GTSE1: variants seen among roughly 807,000 people sequenced by gnomAD.
The protein encoded by GTSE1 is G2 and S-phase expressed 1.
In GTSE1, 52 loss-of-function variants were observed where a neutral mutation model predicts 60.5. The observed-to-expected ratio is 0.86, with a 90% CI of 0.69 to 1.08. The LOEUF is 1.08. Among genes scored for constraint, GTSE1 ranks in the 50% least tolerant of loss-of-function variants. GTSE1 has a pLI of 0.00. For synonymous variants in GTSE1, 368 were observed against 386.5 expected, an observed-to-expected ratio of 0.95 and a Z score of 0.56; for missense variants, 937 against 961.8, an observed-to-expected ratio of 0.97 and a Z score of 0.34.
intron 7 of GTSE1, among the ~76,000 whole-genome samples, chr22:46,322,599 C>T (rs1021987672): frequency 2.0e-5 from 3 of 152,140 alleles, no homozygotes; most frequent in Non-Finnish European, 2.9e-5. Context: ...GGCCTTAGCT[C>T]GGTAACTGGT....
Position 46,314,482 on chromosome 22 carries a change from C to T in GTSE1, c.1051+469C>T, listed in dbSNP as rs1052038005. Among the ~76,000 whole-genome samples the T allele has an allele frequency of 2.0e-5, 3 of 152,138 alleles. No individual in the cohort carries two copies. The highest frequency in any genetic ancestry group is 1.3e-4 in the Admixed American group (2 of 15,274). ...CCATCTAGTGGTAAGGGAAAGCCTT[C>T]GCCTTTCTGCTCTTCAGAGCGAAAT... On this transcript the variant is annotated intron_variant, in intron 6 of 11. Coordinates refer to ENST00000454366, the MANE Select transcript of GTSE1 (RefSeq NM_016426.7). This position sits in a 1 kb window ranked among gnomAD's most constrained non-coding sequence, Gnocchi z 7.1.
Position 46,309,019 on chromosome 22 carries a change from C to T in GTSE1, c.762+76C>T, listed in dbSNP as rs6007819. 2.7e-6 allele frequency: 4 copies of T among 1,484,100 alleles called. No homozygotes were observed. The highest frequency in any genetic ancestry group is 2.2e-5 in the Admixed American group (1 of 46,442). The allele number at this position is 1,484,100 out of a possible 1,614,324, so 91.9% of individuals were successfully genotyped here. ...TCAGCCCTCTCACAGAAGCCACATG[C>T]GGAAAGCCTCAGAGGTGGCGAGTCT... is the stretch of plus-strand genomic sequence containing the variant. On this transcript the variant is annotated intron_variant, in intron 4 of 11. Transcript: ENST00000454366. The surrounding 1 kb of genome is among the most constrained non-coding windows in gnomAD (Gnocchi z 6.2).
chr22:46,301,935 C>G (rs1227421474), intron 2 of GTSE1, among the ~76,000 whole-genome samples: 2 of 152,082 alleles, frequency 1.3e-5, no homozygotes, highest in Non-Finnish European at 2.9e-5. Context: ...TCCAGACCAG[C>G]CTGACCAACA....
Position 46,314,807 on chromosome 22 carries a change from C to T in GTSE1, c.1051+794C>T, listed in dbSNP as rs2077769258. Among the ~76,000 whole-genome samples, 1 of 142,078 alleles carries T rather than the reference C, an allele frequency of 7.0e-6. No homozygotes were observed. Among genetic ancestry groups the T allele is most frequent in the Non-Finnish European group, 1.5e-5 (1 of 66,632 alleles). The allele number at this position is 142,078 out of a possible 152,430, so 93.2% of individuals were successfully genotyped here. A position where few individuals can be genotyped will look rare whatever the true frequency, so the allele number is the denominator to read the frequency against. Reference sequence around the variant, plus strand: ...ACGAGAATGGCTTGAACGCGGGAGGCAGAGGTTACCATGAGCCGAGATTGC... The same window carrying T: ...ACGAGAATGGCTTGAACGCGGGAGGTAGAGGTTACCATGAGCCGAGATTGC... On this transcript the variant is annotated intron_variant, in intron 6 of 11. Coordinates refer to ENST00000454366, the MANE Select transcript of GTSE1 (RefSeq NM_016426.7). The surrounding 1 kb of genome is among the most constrained non-coding windows in gnomAD (Gnocchi z 7.1).
chr22:46,322,706 CAG>C (rs1360112931), intron 7 of GTSE1, among the ~76,000 whole-genome samples: 1 of 152,156 alleles, frequency 6.6e-6, no homozygotes, highest in Non-Finnish European at 1.5e-5. Context: ...AGCACAAACA[CAG>C]TGTAATGAAT....
Position 46,329,147 on chromosome 22 carries a change from G to A in GTSE1, c.1927-211G>A. The A allele has an allele frequency of 1.6e-6, 1 of 632,066 alleles. No individual in the cohort carries two copies. The highest frequency in any genetic ancestry group is 2.8e-5 in the Admixed American group (1 of 36,040). 39.2% of individuals were successfully genotyped at this position (632,066 alleles called of 1,614,324 possible). ...GGAAGCAGGGTGGCAGGAGCTGGTG[G>A]CTGCTGGTGAGCGGGTATGGACAGG... On this transcript the variant is annotated intron_variant, in intron 10 of 11. Coordinates refer to ENST00000454366, the MANE Select transcript of GTSE1 (RefSeq NM_016426.7). The surrounding 1 kb of genome is among the most constrained non-coding windows in gnomAD (Gnocchi z 6.4).
At chr22:46,311,047 T>C (rs1245896712) in intron 4 of GTSE1, among the ~76,000 whole-genome samples, 1 of 151,328 alleles carries the variant, frequency 6.6e-6, no homozygotes, top group Non-Finnish European at 1.5e-5. Context: ...GGAGAACCGC[T>C]AATGGGTACA....
rs2077845632 is a variant in GTSE1, at chr22:46,326,582, G to A, written c.1652G>A (p.Arg551Lys). The A allele has an allele frequency of 1.9e-6, 3 of 1,614,128 alleles. No individual in the cohort carries two copies. Among genetic ancestry groups the A allele is most frequent in the Admixed American group, 1.7e-5 (1 of 60,026 alleles). Residue 551 changes from arginine to lysine, a missense_variant, in exon 9 of 12, where the codon AGG becomes AAG. Transcript: ENST00000454366. ...LPPMTPKTMPRAVGSPLCVPA... is the reference protein window; with the variant it reads ...LPPMTPKTMPKAVGSPLCVPA... ...CCGATGACCCCCAAAACGATGCCCA[G>A]GGCCGTGGGCTCTCCCCTGTGTGTG...
chr22:46,306,839 C>T (rs2077718077), intron 2 of GTSE1, among the ~76,000 whole-genome samples: 1 of 152,182 alleles, frequency 6.6e-6, no homozygotes, highest in Non-Finnish European at 1.5e-5. Flanking sequence ...ATAAGCTTTA[C>T]AGTATTGAGC....
intron 2 of GTSE1, among the ~76,000 whole-genome samples, chr22:46,298,800 C>G (rs958727892): frequency 2.6e-5 from 4 of 152,234 alleles, no homozygotes; most frequent in African/African-American, 9.6e-5. Context: ...TTCCCCACTT[C>G]CGTTGACCTG....
chr22:46,322,333 A>C (rs2077818218), intron 7 of GTSE1, among the ~76,000 whole-genome samples: 1 of 152,162 alleles, frequency 6.6e-6, no homozygotes, highest in Non-Finnish European at 1.5e-5. Flanking sequence ...AAGAGGCCTC[A>C]GCTCCAGGCC....
At chr22:46,307,759 C>T (rs1197914623) in intron 2 of GTSE1, among the ~76,000 whole-genome samples, 1 of 152,022 alleles carries the variant, frequency 6.6e-6, no homozygotes, top group Admixed American at 6.6e-5. Context: ...CCTAGACCTC[C>T]CAAAGTGTTG....
chr22:46,323,373 C>T (rs370557260), intron 8 of GTSE1, 111 bp downstream of exon 8: 34 of 830,950 alleles, frequency 4.1e-5, no homozygotes, highest in East Asian at 3.4e-4. Context: ...CTGGCTTCCA[C>T]GCCAGTCTCT....
Position 46,316,471 on chromosome 22 carries a change from A to G in GTSE1, c.1432+59A>G, listed in dbSNP as rs2077781489. Reference sequence around the variant, plus strand: ...AAAATACTGAAGAAATTGCATTTAAAGTTTTAAACAATTATTGATGGCATT... The same window carrying G: ...AAAATACTGAAGAAATTGCATTTAAGGTTTTAAACAATTATTGATGGCATT... On this transcript the variant is annotated intron_variant, in intron 7 of 11. Transcript: ENST00000454366. The surrounding 1 kb of genome is among the most constrained non-coding windows in gnomAD (Gnocchi z 5.0). 1.7e-6 allele frequency: 2 copies of G among 1,143,692 alleles called. No homozygotes were observed. Among genetic ancestry groups the G allele is most frequent in the Non-Finnish European group, 2.5e-6 (2 of 797,254 alleles). The allele number at this position is 1,143,692 out of a possible 1,614,324, so 70.8% of individuals were successfully genotyped here.
At position 46,324,874 on chromosome 22, in the gene GTSE1, CT is replaced by C. The variant is rs1289074134; in HGVS notation, c.1506-1558del. On this transcript the variant is annotated intron_variant, in intron 8 of 11. Transcript: ENST00000454366. This position sits in a 1 kb window ranked among gnomAD's most constrained non-coding sequence, Gnocchi z 5.2. ...CTAGAGTCAGTCTGTTTTCAGGCTC[CT>C]TTTGAAGAACGTAACAATTGCCCAG... is the stretch of plus-strand genomic sequence containing the variant. Among the ~76,000 whole-genome samples the C allele has an allele frequency of 6.6e-6, 1 of 152,152 alleles. No individual in the cohort carries two copies. Among genetic ancestry groups the C allele is most frequent in the Non-Finnish European group, 1.5e-5 (1 of 68,036 alleles).
In GTSE1 at chr22:46,329,502, G is replaced by C; in HGVS notation, c.2071G>C (p.Asp691His). 6.2e-7 allele frequency: 1 copy of C among 1,614,132 alleles called. No homozygotes were observed. Among genetic ancestry groups the C allele is most frequent in the Non-Finnish European group, 8.5e-7 (1 of 1,180,026 alleles). Residue 691 changes from aspartate to histidine, a missense_variant, in exon 11 of 12, where the codon GAC becomes CAC. Coordinates refer to ENST00000454366, the MANE Select transcript of GTSE1 (RefSeq NM_016426.7). The surrounding 1 kb of genome is among the most constrained non-coding windows in gnomAD (Gnocchi z 6.4). ...AVGSESRPLI[D>H]LMTNTPDMNK... ...AGGATCTGAAAGCAGGCCTCTGATCGACCTCATGACAAACACTCCAGACAT... is the reference window on the plus strand; with the variant it reads ...AGGATCTGAAAGCAGGCCTCTGATCCACCTCATGACAAACACTCCAGACAT...
rs1249382808 is a variant in GTSE1 at position 46,326,550 on chromosome 22, C to T, written c.1620C>T (p.Gly540=). Residue 540 remains glycine, a synonymous_variant, in exon 9 of 12, where the codon GGC becomes GGT. Coordinates refer to ENST00000454366, the MANE Select transcript of GTSE1 (RefSeq NM_016426.7). ...CACCCGCCAGCCGGCGCTGCTCTGG[C>T]CTTCCACCGATGACCCCCAAAACGA... is the stretch of plus-strand genomic sequence containing the variant. The part of the protein sequence containing the change: ...LPTPASRRCS[G]LPPMTPKTMP... 17 of 1,614,128 alleles carry T rather than the reference C, an allele frequency of 1.1e-5. No individual in the cohort carries two copies. Among genetic ancestry groups the T allele is most frequent in the Non-Finnish European group, 1.4e-5 (17 of 1,179,984 alleles).
At chr22:46,325,193 GATTT>G (rs945681978) in intron 8 of GTSE1, among the ~76,000 whole-genome samples, 3 of 152,048 alleles carry the variant, frequency 2.0e-5, no homozygotes, top group East Asian at 1.9e-4. Context: ...CTTTTATGCT[GATTT>G]ATTTATTTAT....
In GTSE1 at chr22:46,320,698, T is replaced by C. The variant is rs2077807317; in HGVS notation, c.1433-2492T>C. On this transcript the variant is annotated intron_variant, in intron 7 of 11. Coordinates refer to ENST00000454366, the MANE Select transcript of GTSE1 (RefSeq NM_016426.7). The surrounding 1 kb of genome is among the most constrained non-coding windows in gnomAD (Gnocchi z 7.1). ...CAGTTACAAATGTTGCTATTTACTA[T>C]GAGTCCATGCTGCCGGGTCACCCAG... is the stretch of plus-strand genomic sequence containing the variant. Among the ~76,000 whole-genome samples, 1 of 152,218 alleles carries C rather than the reference T, an allele frequency of 6.6e-6. No individual in the cohort carries two copies. Among genetic ancestry groups the C allele is most frequent in the African/African-American group, 2.4e-5 (1 of 41,458 alleles).
Sources: gnomAD v4.1 joint callset for allele counts (sites outside exome capture counted in the v4.1 genomes callset) on GRCh38, gnomAD v4.1.1 for gene constraint, Gnocchi (gnomAD v3.1) non-coding constraint, MANE v1.5 for transcripts, NCBI Gene and HGNC (gene_info 2026-07-23, HGNC 2026-07-21) for gene names.